The following BMS1 variants were observed in gnomAD, a reference collection of about 807,000 sequenced individuals.
The protein encoded by BMS1 is ribosome biogenesis protein BMS1 homolog.
A neutral mutation model predicts 138.7 loss-of-function variants in BMS1; 53 were observed. That is an observed-to-expected ratio of 0.38 (90% CI 0.31 to 0.48). BMS1 has a LOEUF of 0.48. Among genes scored for constraint, BMS1 ranks in the 20% least tolerant of loss-of-function variants. BMS1 has a pLI of 0.97. For synonymous variants in BMS1, 504 were observed against 539.9 expected (o/e 0.93, Z 0.92); for missense variants, 1,360 against 1,565.5 (o/e 0.87, Z 2.22).
chr10:42,785,051 T>C (rs1252381757), intron 2 of BMS1, among the ~76,000 whole-genome samples: 1 of 152,184 alleles, frequency 6.6e-6, no homozygotes, highest in Non-Finnish European at 1.5e-5. Flanking sequence ...AAAACTGAGA[T>C]CAAGAAAACA....
intron 19 of BMS1, 53 bp downstream of exon 19, chr10:42,822,237 A>G (rs1258463164): frequency 4.4e-6 from 5 of 1,134,018 alleles, no homozygotes; most frequent in Non-Finnish European, 6.2e-6. Context: ...TGTTTGAGAA[A>G]AGGAATGAAA....
chr10:42,811,277 A>G (rs1588738716), intron 13 of BMS1, among the ~76,000 whole-genome samples: 2 of 151,928 alleles, frequency 1.3e-5, no homozygotes, highest in East Asian at 3.9e-4. Flanking sequence ...TCCCAACCTC[A>G]GTTGATCCAC....
chr10:42,830,939 T>A lies in BMS1; in HGVS notation c.3692T>A (p.Leu1231Gln). Residue 1231 changes from leucine (L) to glutamine (Q), a missense_variant, in exon 23 of 23, where the codon CTG (leucine) becomes CAG (glutamine). Around this residue, in one of 3 missense-constraint regions of BMS1, gnomAD observed 425 missense variants for 568.3 expected, o/e 0.75. Transcript: ENST00000374518. ...KMKKAKEQRH[L>Q]HNKEHFRAKQ... ...AAGAAGGCCAAGGAGCAGCGGCACC[T>A]GCACAATAAAGAGCACTTCAGAGCC... 1 of 1,611,700 alleles carries A rather than the reference T, an allele frequency of 6.2e-7. No individual in the cohort carries two copies.
In BMS1 at chr10:42,829,114, G is replaced by T. The variant is rs188736682; in HGVS notation, c.3457-1147G>T. On this transcript the variant is annotated intron_variant, in intron 21 of 22. Transcript: ENST00000374518. ...TCAATTTATTAACAGTATTTATGAGGCAGTTAAGAATTTGGGTCATCCTCC... is the reference window on the plus strand; with the variant it reads ...TCAATTTATTAACAGTATTTATGAGTCAGTTAAGAATTTGGGTCATCCTCC... Among the ~76,000 whole-genome samples, 907 of 152,194 alleles carry T rather than the reference G, an allele frequency of 6.0e-3. 3 individuals carry two copies. Among genetic ancestry groups the T allele is most frequent in the African/African-American group, 0.021 (860 of 41,522 alleles).
rs1331902252 is a variant in BMS1, at chr10:42,822,088, A to T, written c.3036A>T (p.Gly1012=). Reference sequence around the variant, plus strand: ...CTGATTTTCGGATAGCTGCTACAGGAGTTGTCCTTGATCTGGATAAATCCA... The same window carrying T: ...CTGATTTTCGGATAGCTGCTACAGGTGTTGTCCTTGATCTGGATAAATCCA... ...IMPDFRIAAT[G]VVLDLDKSIK... Residue 1012 remains glycine, a synonymous_variant, in exon 19 of 23, where the codon GGA becomes GGT. Transcript: ENST00000374518. The T allele has an allele frequency of 6.3e-7, 1 of 1,593,054 alleles. No individual in the cohort carries two copies. Among genetic ancestry groups the T allele is most frequent in the East Asian group, 2.2e-5 (1 of 44,824 alleles).
At chr10:42,785,705 G>C in intron 3 of BMS1, 33 bp downstream of exon 3, 1 of 1,600,892 alleles carries the variant, frequency 6.2e-7, no homozygotes. Context: ...CAGAGTTGGC[G>C]TGGCTGTTGT....
intron 13 of BMS1, among the ~76,000 whole-genome samples, chr10:42,803,369 G>T (rs1411310582): frequency 1.3e-5 from 2 of 152,010 alleles, no homozygotes; most frequent in Non-Finnish European, 2.9e-5. Flanking sequence ...GAATTCCTGG[G>T]CTTAAGCAAT....
chr10:42,821,107 G>A, intron 18 of BMS1, 115 bp downstream of exon 18: 2 of 894,774 alleles, frequency 2.2e-6, no homozygotes, highest in East Asian at 2.5e-5. Context: ...TTAATACAAA[G>A]TAAATTTCCC....
At chr10:42,812,743 G>T (rs983742904) in intron 13 of BMS1, among the ~76,000 whole-genome samples, 2 of 152,204 alleles carry the variant, frequency 1.3e-5, no homozygotes, top group African/African-American at 2.4e-5. Flanking sequence ...GAGGAAGGAG[G>T]CAGGCTTGGT....
intron 15 of BMS1, 30 bp from the exon 16 acceptor site, chr10:42,820,206 A>G: frequency 6.2e-7 from 1 of 1,604,562 alleles, no homozygotes; most frequent in Middle Eastern, 1.7e-4. Flanking sequence ...ATAACAGCAT[A>G]CAGGTTTTTT....
At chr10:42,790,236 G>A (rs1396514884) in intron 4 of BMS1, 87 bp from the exon 5 acceptor site, 8 of 1,274,814 alleles carry the variant, frequency 6.3e-6, no homozygotes, top group Non-Finnish European at 6.8e-6. Context: ...GTGATGGGCT[G>A]GATTTTGCCC....
intron 4 of BMS1, among the ~76,000 whole-genome samples, chr10:42,789,408 A>ATT (rs11435193): frequency 1.3e-5 from 2 of 151,968 alleles, no homozygotes; most frequent in Non-Finnish European, 2.9e-5. Context: ...TTCTGTTTCC[A>ATT]TTTTTTTTGT....
chr10:42,824,964 T>G (rs531948218), intron 21 of BMS1, among the ~76,000 whole-genome samples: 1 of 152,296 alleles, frequency 6.6e-6, no homozygotes, highest in South Asian at 2.1e-4. Context: ...CTTGGCTGTT[T>G]GGGGTTTTTT....
At chr10:42,817,145 A>T (rs2132368879) in intron 14 of BMS1, among the ~76,000 whole-genome samples, 173 bp from the exon 15 acceptor site, 1 of 152,318 alleles carries the variant, frequency 6.6e-6, no homozygotes, top group South Asian at 2.1e-4. Context: ...CATTTCCTGT[A>T]GCAGTACCAT....
intron 13 of BMS1, among the ~76,000 whole-genome samples, chr10:42,815,084 G>C (rs1240000090): frequency 6.6e-6 from 1 of 152,158 alleles, no homozygotes; most frequent in African/African-American, 2.4e-5. Context: ...TTTCTTAGGA[G>C]GGTATAATGT....
Position 42,834,476 on chromosome 10 carries a change from C to CCA in BMS1, c.*3381_*3382dup, listed in dbSNP as rs1313056319. The CCA allele has an allele frequency of 6.6e-6, 1 of 151,712 alleles. No individual in the cohort carries two copies. The highest frequency in any genetic ancestry group is 1.5e-5 in the Non-Finnish European group (1 of 67,982). The allele number at this position is 151,712 out of a possible 1,614,324, so 9.4% of individuals were successfully genotyped here. A position where few individuals can be genotyped will look rare whatever the true frequency, so the allele number is the denominator to read the frequency against. ...TGCCAGACTCAGGTATTTCTTAAAG[C>CCA]CATTATTCAGAGTCTTCAGCAAGGA... is the stretch of plus-strand genomic sequence containing the variant. On this transcript the variant is annotated 3_prime_UTR_variant, in exon 23 of 23. Transcript: ENST00000374518.
chr10:42,828,741 T>C (rs1842726816), intron 21 of BMS1, among the ~76,000 whole-genome samples: 1 of 152,210 alleles, frequency 6.6e-6, no homozygotes, highest in Admixed American at 6.5e-5. Context: ...TTTGTTTTCA[T>C]GTGGAGTGTT....
intron 21 of BMS1, among the ~76,000 whole-genome samples, chr10:42,826,988 G>A (rs1415649681): frequency 6.6e-6 from 1 of 152,230 alleles, no homozygotes; most frequent in Admixed American, 6.5e-5. Context: ...CAGCACTCAT[G>A]TTGAAATTTG....
intron 11 of BMS1, 44 bp from the exon 12 acceptor site, chr10:42,798,424 C>G: frequency 6.2e-7 from 1 of 1,612,072 alleles, no homozygotes; most frequent in Non-Finnish European, 8.5e-7. Context: ...TCCTCTAGGG[C>G]TGTAATTTTT....
Sources: allele counts gnomAD v4.1 joint callset (sites outside exome capture counted in the v4.1 genomes callset), GRCh38; gene constraint gnomAD v4.1.1; regional missense constraint gnomAD v4.1.1; transcripts MANE v1.5; gene names NCBI Gene and HGNC (gene_info 2026-07-23, HGNC 2026-07-21).